The following PGPEP1L variants were observed in gnomAD, a reference collection of about 807,000 sequenced individuals.
PGPEP1L encodes the protein pyroglutamyl-peptidase 1-like protein.
Under a neutral mutation model 6.0 loss-of-function variants are expected in PGPEP1L, and 7 were observed. The ratio of observed to expected loss-of-function variants is 1.17; its 90% confidence interval spans 0.66 to 2.19. The LOEUF is 2.19. Ranked by LOEUF, PGPEP1L falls within the 30% of genes most tolerant of loss-of-function variation. The pLI, the probability that PGPEP1L is intolerant of heterozygous loss-of-function variation, is 0.00. For missense variants in PGPEP1L, 209 were observed against 192.5 expected, an observed-to-expected ratio of 1.09 and a Z score of -0.51; for synonymous variants, 103 against 83.9, an observed-to-expected ratio of 1.23 and a Z score of -1.24.
At chr15:98,988,661 C>A (rs1735858696) in intron 2 of PGPEP1L, among the ~76,000 whole-genome samples, 1 of 26,744 alleles carries the variant, frequency 3.7e-5, no homozygotes, top group Non-Finnish European at 6.8e-5. Flanking sequence ...CTACCTCCTC[C>A]AGTGGGTCCC....
At chr15:98,998,023 C>G (rs782028575) in intron 2 of PGPEP1L, 2 of 152,602 alleles carry the variant, frequency 1.3e-5, no homozygotes, top group Non-Finnish European at 2.9e-5. Flanking sequence ...TGGTTACTGA[C>G]GGGCCTGAAC....
At chr15:99,000,529 C>T in intron 2 of PGPEP1L, among the ~76,000 whole-genome samples, 1 of 152,200 alleles carries the variant, frequency 6.6e-6, no homozygotes, top group East Asian at 1.9e-4. Context: ...CACCAATCGG[C>T]ACTCTGTATC....
chr15:99,003,242 G>A (rs574961897), intron 2 of PGPEP1L, among the ~76,000 whole-genome samples: 13 of 149,002 alleles, frequency 8.7e-5, no homozygotes, highest in Non-Finnish European at 1.5e-4. Flanking sequence ...GGTACCTCCT[G>A]GGATAATAAA....
intron 1 of PGPEP1L, among the ~76,000 whole-genome samples, chr15:99,006,737 G>A (rs74671757): frequency 0.062 from 9,470 of 152,290 alleles, 641 homozygotes; most frequent in East Asian, 0.34. Flanking sequence ...GATCACTTGA[G>A]CCGTCAGTCG....
chr15:98,979,630 A>ATTTT lies in PGPEP1L; in HGVS notation c.-141-8473_-141-8472insAAAA, dbSNP rs1882033817. ...AGCAACCTGGATGGGATTGGAGACT[A>ATTTT]TTCTTTTTTTTTTTTTTTTTTTTTT... On this transcript the variant is annotated intron_variant, in intron 2 of 4. Transcript: ENST00000535714. Among the ~76,000 whole-genome samples, 3 of 105,926 alleles carry ATTTT rather than the reference A, an allele frequency of 2.8e-5. 1 individual carries two copies. 69.5% of individuals were successfully genotyped at this position (105,926 alleles called of 152,430 possible).
intron 2 of PGPEP1L, among the ~76,000 whole-genome samples, chr15:98,986,984 T>C (rs923501288): frequency 2.0e-5 from 3 of 151,472 alleles, no homozygotes; most frequent in Non-Finnish European, 4.4e-5. Context: ...CTGGCCAATA[T>C]GATGAAACCT....
intron 2 of PGPEP1L, among the ~76,000 whole-genome samples, chr15:99,001,776 GGT>G (rs2017975383): frequency 6.6e-6 from 1 of 151,948 alleles, no homozygotes; most frequent in African/African-American, 2.4e-5. Context: ...GGAGTGCAGT[GGT>G]GTGATCTCAG....
intron 3 of PGPEP1L, 128 bp from the exon 4 acceptor site, chr15:98,969,779 C>T: frequency 1.1e-6 from 1 of 881,882 alleles, no homozygotes; most frequent in Non-Finnish European, 1.8e-6. Context: ...CCCAAATCCA[C>T]TGGGAAACCC....
intron 1 of PGPEP1L, among the ~76,000 whole-genome samples, chr15:99,006,887 C>T (rs2018076446): frequency 1.3e-5 from 2 of 152,082 alleles, no homozygotes; most frequent in African/African-American, 4.8e-5. Context: ...ATTCTCTGTC[C>T]CCATCTAGGT....
chr15:99,006,896 G>A (rs1429139902), intron 1 of PGPEP1L, among the ~76,000 whole-genome samples: 3 of 152,154 alleles, frequency 2.0e-5, no homozygotes, highest in Non-Finnish European at 4.4e-5. Context: ...CCCCATCTAG[G>A]TCTGGGGAGG....
intron 2 of PGPEP1L, among the ~76,000 whole-genome samples, chr15:98,980,470 A>G (rs944089086): frequency 2.0e-5 from 3 of 152,216 alleles, no homozygotes; most frequent in African/African-American, 7.2e-5. Context: ...AAGTAAACAA[A>G]TAAGTAAGTG....
At chr15:99,000,159 G>T (rs147087522) in intron 2 of PGPEP1L, among the ~76,000 whole-genome samples, 10,003 of 152,324 alleles carry the variant, frequency 0.066, 459 homozygotes, top group South Asian at 0.11. Context: ...GGCCAGCCCC[G>T]CCGGCCCCAG....
At chr15:98,979,794 C>A (rs745601556) in intron 2 of PGPEP1L, among the ~76,000 whole-genome samples, 1 of 151,844 alleles carries the variant, frequency 6.6e-6, no homozygotes, top group Non-Finnish European at 1.5e-5. Flanking sequence ...GGACTACAGG[C>A]GAGTGCCACC....
intron 2 of PGPEP1L, among the ~76,000 whole-genome samples, chr15:98,992,158 T>C (rs2017828331): frequency 6.6e-6 from 1 of 152,212 alleles, no homozygotes; most frequent in South Asian, 2.1e-4. Context: ...GAAGTCAAAT[T>C]GTCTCTGTTT....
At chr15:98,980,095 G>A (rs1403959099) in intron 2 of PGPEP1L, among the ~76,000 whole-genome samples, 1 of 152,054 alleles carries the variant, frequency 6.6e-6, no homozygotes, top group Non-Finnish European at 1.5e-5. Context: ...ATACTGCTTG[G>A]GTGATGCTGC....
At chr15:98,982,162 T>C (rs1477755403) in intron 2 of PGPEP1L, among the ~76,000 whole-genome samples, 1 of 152,226 alleles carries the variant, frequency 6.6e-6, no homozygotes, top group East Asian at 1.9e-4. Context: ...TGGGGAGGAC[T>C]GTGAAGCCAC....
intron 2 of PGPEP1L, among the ~76,000 whole-genome samples, chr15:98,991,940 C>T (rs59441716): frequency 0.017 from 2,539 of 152,168 alleles, 71 homozygotes; most frequent in African/African-American, 0.056. Context: ...TAGGTACTGA[C>T]GGAATGTATC....
chr15:98,996,636 G>A (rs1181698526), intron 2 of PGPEP1L, among the ~76,000 whole-genome samples: 1 of 151,992 alleles, frequency 6.6e-6, no homozygotes, highest in African/African-American at 2.4e-5. Context: ...TGTGTGTTGT[G>A]TGCATGTTGT....
At position 98,968,746 on chromosome 15, in the gene PGPEP1L, T is replaced by G. The variant is rs534475006; in HGVS notation, c.210-49A>C. 478 of 1,510,652 alleles carry G rather than the reference T, an allele frequency of 3.2e-4. 3 individuals carry two copies. In the South Asian group the frequency reaches 5.5e-3, roughly 17 times the overall value. The allele number at this position is 1,510,652 out of a possible 1,614,324, so 93.6% of individuals were successfully genotyped here. ...TTAATTCTCGGACCAGCCTCTAACC[T>G]CAGTGAAACATACGCAGAAGTGGCA... On this transcript the variant is annotated intron_variant, in intron 4 of 4. Transcript: ENST00000535714.
Sources: gnomAD v4.1 joint callset for allele counts (sites outside exome capture counted in the v4.1 genomes callset) on GRCh38, gnomAD v4.1.1 for gene constraint, MANE v1.5 for transcripts, NCBI Gene and HGNC (gene_info 2026-07-23, HGNC 2026-07-21) for gene names.